DAPL1: variants seen among roughly 807,000 people sequenced by gnomAD.
DAPL1 encodes the protein death associated protein like 1.
Under a neutral mutation model 12.9 loss-of-function variants are expected in DAPL1, and 17 were observed. The ratio of observed to expected loss-of-function variants is 1.32; its 90% CI spans 0.90 to 1.98. The LOEUF is 1.98. Among genes scored for constraint, DAPL1 ranks in the 30% most tolerant of loss-of-function variants. DAPL1 has a pLI of 0.00. For missense variants in DAPL1, 157 were observed against 125.7 expected, an observed-to-expected ratio of 1.25 and a Z score of -1.19; for synonymous variants, 51 against 42.0, an observed-to-expected ratio of 1.21 and a Z score of -0.82.
Position 158,813,017 on chromosome 2 carries a change from G to GTATA in DAPL1, c.208-2679_208-2676dup, listed in dbSNP as rs34371228. Among the ~76,000 whole-genome samples the GTATA allele has an allele frequency of 7.4e-3, 1,127 of 151,380 alleles. 7 individuals carry two copies. The highest frequency in any genetic ancestry group is 0.012 in the Non-Finnish European group (799 of 67,848). The stretch of plus-strand genomic sequence containing the variant: ...TGGATGAATGGATAGAAAAAACGTG[G>GTATA]TATATATATATACAATGGAATATTA... On this transcript the variant is annotated intron_variant, in intron 3 of 3. Coordinates refer to ENST00000309950, the MANE Select transcript of DAPL1 (RefSeq NM_001017920.3).
intron 3 of DAPL1, among the ~76,000 whole-genome samples, chr2:158,809,758 C>T (rs766432434): frequency 1.3e-5 from 2 of 152,116 alleles, no homozygotes; most frequent in Non-Finnish European, 1.5e-5. Context: ...CCAGGTAAAG[C>T]GTAAGGCACC....
intron 3 of DAPL1, among the ~76,000 whole-genome samples, chr2:158,810,228 A>G (rs1298253711): frequency 6.6e-6 from 1 of 152,236 alleles, no homozygotes; most frequent in Non-Finnish European, 1.5e-5. Flanking sequence ...ACATACAGGT[A>G]TCTTTTAATA....
intron 3 of DAPL1, among the ~76,000 whole-genome samples, chr2:158,810,936 C>A (rs556246479): frequency 1.9e-4 from 29 of 152,254 alleles, no homozygotes; most frequent in African/African-American, 6.3e-4. Flanking sequence ...GATTTGTGCT[C>A]GTTCATTTAC....
In DAPL1 at chr2:158,813,833, G is replaced by A. The variant is rs1575231698; in HGVS notation, c.208-1872G>A. 2.0e-5 allele frequency among the ~76,000 whole-genome samples: 3 copies of A among 152,052 alleles called. No individual in the cohort carries two copies. The South Asian group carries it at 6.2e-4, about 32-fold the overall frequency. ...GCCTCCCAAAGTGCTGGGATTGCAG[G>A]TGTGGGCCACCGAGCCCGGCCTCCT... On this transcript the variant is annotated intron_variant, in intron 3 of 3. Coordinates refer to ENST00000309950, the MANE Select transcript of DAPL1 (RefSeq NM_001017920.3).
At chr2:158,814,695 A>T (rs534753552) in intron 3 of DAPL1, among the ~76,000 whole-genome samples, 26 of 152,348 alleles carry the variant, frequency 1.7e-4, no homozygotes, top group African/African-American at 5.8e-4. Context: ...GAAGAGCCCA[A>T]ACAAACCATG....
chr2:158,814,564 A>C (rs548120185), intron 3 of DAPL1, among the ~76,000 whole-genome samples: 4 of 152,386 alleles, frequency 2.6e-5, no homozygotes, highest in Admixed American at 2.6e-4. Flanking sequence ...TTAATTTTTT[A>C]AAACCAAGAA....
At chr2:158,802,002 C>G (rs573568189) in intron 1 of DAPL1, among the ~76,000 whole-genome samples, 1 of 152,300 alleles carries the variant, frequency 6.6e-6, no homozygotes, top group South Asian at 2.1e-4. Context: ...AACACAGAAC[C>G]AAGCTCAACC....
At chr2:158,802,936 G>A (rs969976552) in intron 1 of DAPL1, among the ~76,000 whole-genome samples, 1 of 152,150 alleles carries the variant, frequency 6.6e-6, no homozygotes, top group Non-Finnish European at 1.5e-5. Flanking sequence ...AACTGGTTAA[G>A]TAAACACAGG....
chr2:158,806,004 G>T (rs1179088941), intron 2 of DAPL1, among the ~76,000 whole-genome samples: 6 of 148,142 alleles, frequency 4.1e-5, no homozygotes, highest in Non-Finnish European at 9.1e-5. Context: ...TGTGGCAGGA[G>T]ACCCTAGGCT....
At chr2:158,813,846 A>T (rs146323473) in intron 3 of DAPL1, among the ~76,000 whole-genome samples, 3 of 152,024 alleles carry the variant, frequency 2.0e-5, no homozygotes, top group Middle Eastern at 3.2e-3. Context: ...TGGGCCACCG[A>T]GCCCGGCCTC....
At chr2:158,811,352 C>G (rs772028725) in intron 3 of DAPL1, among the ~76,000 whole-genome samples, 12 of 152,162 alleles carry the variant, frequency 7.9e-5, no homozygotes, top group Non-Finnish European at 1.6e-4. Context: ...GTTTGCTTAA[C>G]AGGGTGTGGA....
intron 3 of DAPL1, among the ~76,000 whole-genome samples, chr2:158,807,411 A>G (rs1400810474): frequency 6.6e-6 from 1 of 152,204 alleles, no homozygotes; most frequent in Non-Finnish European, 1.5e-5. Context: ...TTTCTTGGAA[A>G]CATTGGCATG....
chr2:158,801,324 G>T (rs1395718850), intron 1 of DAPL1, among the ~76,000 whole-genome samples: 1 of 152,136 alleles, frequency 6.6e-6, no homozygotes, highest in Non-Finnish European at 1.5e-5. Context: ...GAAAAATACT[G>T]TTGGGAGGTG....
At chr2:158,814,760 A>T (rs2105158561) in intron 3 of DAPL1, among the ~76,000 whole-genome samples, 1 of 152,310 alleles carries the variant, frequency 6.6e-6, no homozygotes, top group African/African-American at 2.4e-5. Context: ...ATTTAATTTG[A>T]GTGCCAAGGC....
chr2:158,796,698 G>T (rs1344449429), intron 1 of DAPL1, among the ~76,000 whole-genome samples: 1 of 152,054 alleles, frequency 6.6e-6, no homozygotes, highest in African/African-American at 2.4e-5. Context: ...AACCTGTTTT[G>T]CTAAACTACA....
chr2:158,795,536 G>T (rs2059130108), intron 1 of DAPL1, 106 bp downstream of exon 1: 2 of 1,098,318 alleles, frequency 1.8e-6, no homozygotes. Flanking sequence ...TGTCTACCCA[G>T]TATGACTTTA....
At chr2:158,796,676 T>C (rs1264958992) in intron 1 of DAPL1, among the ~76,000 whole-genome samples, 1 of 152,210 alleles carries the variant, frequency 6.6e-6, no homozygotes, top group East Asian at 1.9e-4. Context: ...CTTCATAAAA[T>C]GGCTAAGATG....
chr2:158,814,908 A>G (rs1378445709), intron 3 of DAPL1, among the ~76,000 whole-genome samples: 1 of 152,170 alleles, frequency 6.6e-6, no homozygotes, highest in Non-Finnish European at 1.5e-5. Flanking sequence ...ATGGACCCAA[A>G]AGGTCACTGT....
At chr2:158,811,121 G>C (rs2059228175) in intron 3 of DAPL1, among the ~76,000 whole-genome samples, 1 of 152,146 alleles carries the variant, frequency 6.6e-6, no homozygotes, top group Non-Finnish European at 1.5e-5. Context: ...AGGGGGAAAT[G>C]CTGAAGCCTG....
Sources: allele counts gnomAD v4.1 joint callset (sites outside exome capture counted in the v4.1 genomes callset), GRCh38; gene constraint gnomAD v4.1.1; transcripts MANE v1.5; gene names NCBI Gene and HGNC (gene_info 2026-07-23, HGNC 2026-07-21).